Variants in OPCML observed in about 807,000 individuals in gnomAD.
OPCML encodes opioid binding protein/cell adhesion molecule like, also known as opioid-binding protein/cell adhesion molecule.
OPCML carries 13 observed loss-of-function variants against 37.8 expected under a neutral mutation model. That is an observed-to-expected ratio of 0.34 (90% confidence interval 0.22 to 0.55). The LOEUF (loss-of-function observed/expected upper bound fraction) is 0.55. Ranked by LOEUF, OPCML falls within the 20% of genes least tolerant of loss-of-function variation. The pLI is 0.91. For missense variants in OPCML, 341 were observed against 435.6 expected (o/e 0.78, Z 1.93); for synonymous variants, 176 against 168.8 (o/e 1.04, Z -0.33).
intron 1 of OPCML, among the ~76,000 whole-genome samples, chr11:133,426,432 T>C (rs7942722): frequency 0.11 from 16,586 of 152,064 alleles, 1,019 homozygotes; most frequent in East Asian, 0.13. Flanking sequence ...ACAGAGATAC[T>C]CTATTTTTTC....
intron 1 of OPCML, among the ~76,000 whole-genome samples, chr11:133,223,776 A>G (rs1392999511): frequency 6.6e-6 from 1 of 152,186 alleles, no homozygotes; most frequent in African/African-American, 2.4e-5. Flanking sequence ...CTTGCGGGCC[A>G]GTGAGCTAGC....
intron 1 of OPCML, among the ~76,000 whole-genome samples, chr11:133,255,744 A>G (rs1941290695): frequency 1.3e-5 from 2 of 152,176 alleles, no homozygotes; most frequent in Non-Finnish European, 2.9e-5. Flanking sequence ...CAAACTAAAC[A>G]GCTCTCCCTT....
At chr11:132,939,662 C>T (rs1945509782) in intron 2 of OPCML, among the ~76,000 whole-genome samples, 1 of 152,160 alleles carries the variant, frequency 6.6e-6, no homozygotes. Context: ...AGATTGAGGC[C>T]TGTGAAGAAA....
At chr11:132,959,784 A>G (rs1946053863) in intron 1 of OPCML, among the ~76,000 whole-genome samples, 1 of 152,208 alleles carries the variant, frequency 6.6e-6, no homozygotes, top group Non-Finnish European at 1.5e-5. Flanking sequence ...AAGAGAGAAT[A>G]CTTCAGGACA....
At chr11:133,069,450 G>A (rs80080933) in intron 1 of OPCML, among the ~76,000 whole-genome samples, 2,058 of 152,288 alleles carry the variant, frequency 0.014, 20 homozygotes, top group Middle Eastern at 0.024. Context: ...TCACAGAAGA[G>A]TTGCAGTTAC....
At chr11:133,413,481 TAAAAAATA>T (rs1327024451) in intron 1 of OPCML, among the ~76,000 whole-genome samples, 2,195 of 148,086 alleles carry the variant, frequency 0.015, 42 homozygotes, top group South Asian at 0.087. Flanking sequence ...AGTATAATAA[TAAAAAATA>T]AATAAATAAA....
intron 2 of OPCML, among the ~76,000 whole-genome samples, chr11:132,811,316 A>G (rs1939327768): frequency 6.6e-6 from 1 of 152,214 alleles, no homozygotes; most frequent in African/African-American, 2.4e-5. Flanking sequence ...GCATCAAGGG[A>G]TTTCAATTCT....
At position 132,943,103 on chromosome 11, in the gene OPCML, C is replaced by T; in HGVS notation, c.62-93G>A. 1 of 1,614,118 alleles carries T rather than the reference C, an allele frequency of 6.2e-7. No individual in the cohort carries two copies. The highest frequency in any genetic ancestry group is 8.5e-7 in the Non-Finnish European group (1 of 1,179,986). Reference sequence around the variant, plus strand: ...CCCACAGACCCCCATTCTCGACAGCCACAACTTCCCAGGACTCCGGCAGCC... The same window carrying T: ...CCCACAGACCCCCATTCTCGACAGCTACAACTTCCCAGGACTCCGGCAGCC... On this transcript the variant is annotated intron_variant, in intron 1 of 7. Transcript: ENST00000524381. The surrounding 1 kb of genome is among the most constrained non-coding windows in gnomAD (Gnocchi z 4.3).
intron 1 of OPCML, among the ~76,000 whole-genome samples, chr11:133,246,125 T>A (rs1019585852): frequency 9.2e-5 from 14 of 152,130 alleles, no homozygotes; most frequent in African/African-American, 3.4e-4. Flanking sequence ...AAGTAAAATT[T>A]AAAAAAAATT....
At chr11:132,890,876 A>G (rs894033870) in intron 2 of OPCML, among the ~76,000 whole-genome samples, 4 of 150,992 alleles carry the variant, frequency 2.6e-5, no homozygotes, top group Admixed American at 1.3e-4. Context: ...AAAAAAAAGA[A>G]AAAAAAAGAA....
In OPCML at chr11:132,472,737, C is replaced by T. The variant is rs562427270; in HGVS notation, c.506-35378G>A. ...GAGCTTGCACTGAACAATCTCTCCC[C>T]ACTGGGACCCACAGTCCCCAGCACA... is the stretch of plus-strand genomic sequence containing the variant. On this transcript the variant is annotated intron_variant, in intron 4 of 7. Transcript: ENST00000524381. 2.0e-5 allele frequency among the ~76,000 whole-genome samples: 3 copies of T among 152,296 alleles called. No homozygotes were observed. The South Asian group carries it at 6.2e-4, about 32-fold the overall frequency.
intron 2 of OPCML, among the ~76,000 whole-genome samples, chr11:132,926,196 T>C (rs1443345322): frequency 6.6e-6 from 1 of 152,178 alleles, no homozygotes; most frequent in Non-Finnish European, 1.5e-5. Context: ...TGATATTGTG[T>C]TTAGATGCAT....
intron 2 of OPCML, among the ~76,000 whole-genome samples, chr11:132,714,198 G>A (rs1944380807): frequency 6.6e-6 from 1 of 152,194 alleles, no homozygotes; most frequent in African/African-American, 2.4e-5. Context: ...TGTCACTGAA[G>A]ACTCCTCTTT....
At chr11:132,469,148 T>C (rs1427628838) in intron 4 of OPCML, among the ~76,000 whole-genome samples, 1 of 152,098 alleles carries the variant, frequency 6.6e-6, no homozygotes, top group East Asian at 1.9e-4. Context: ...CATCAATCAA[T>C]AAAAGATGTA....
At chr11:132,594,084 C>T (rs572419759) in intron 3 of OPCML, among the ~76,000 whole-genome samples, 1 of 152,292 alleles carries the variant, frequency 6.6e-6, no homozygotes, top group South Asian at 2.1e-4. Context: ...TGTCTGTGTG[C>T]TTAGCTATGA....
At position 132,654,480 on chromosome 11, in the gene OPCML, G is replaced by C. The variant is rs111877590; in HGVS notation, c.379+2607C>G. ...TTCCCCAAGAGAAGCACTTCCCCAAGGGAAGCTCCTCCCCAAGAGAAGCTC... is the reference window on the plus strand; with the variant it reads ...TTCCCCAAGAGAAGCACTTCCCCAACGGAAGCTCCTCCCCAAGAGAAGCTC... On this transcript the variant is annotated intron_variant, in intron 3 of 7. Transcript: ENST00000524381. Among the ~76,000 whole-genome samples the C allele has an allele frequency of 7.7e-3, 1,168 of 150,928 alleles. 21 individuals are homozygous for C. The highest frequency in any genetic ancestry group is 0.027 in the African/African-American group (1,120 of 41,002).
chr11:133,024,060 A>T (rs534036815), intron 1 of OPCML, among the ~76,000 whole-genome samples: 42 of 152,328 alleles, frequency 2.8e-4, no homozygotes, highest in African/African-American at 9.6e-4. Context: ...ATTTCACAGG[A>T]AGTGCTAGAC....
intron 2 of OPCML, among the ~76,000 whole-genome samples, chr11:132,695,723 A>G (rs1943576727): frequency 6.6e-6 from 1 of 152,196 alleles, no homozygotes; most frequent in South Asian, 2.1e-4. Context: ...GACACCCACT[A>G]CAATGACAGT....
chr11:132,980,360 T>C (rs947388868), intron 1 of OPCML, among the ~76,000 whole-genome samples: 6 of 152,258 alleles, frequency 3.9e-5, no homozygotes, highest in Admixed American at 2.0e-4. Context: ...GAATTTAAGT[T>C]TGGCATTTTG....
Sources: gnomAD v4.1 joint callset for allele counts (sites outside exome capture counted in the v4.1 genomes callset) on GRCh38, gnomAD v4.1.1 for gene constraint, Gnocchi (gnomAD v3.1) non-coding constraint, MANE v1.5 for transcripts, NCBI Gene and HGNC (gene_info 2026-07-23, HGNC 2026-07-21) for gene names.